Variants in PDE6D observed in about 807,000 individuals in gnomAD.
PDE6D encodes the protein phosphodiesterase 6D.
Under a neutral mutation model 21.9 loss-of-function variants are expected in PDE6D, and 10 were observed. The ratio of observed to expected loss-of-function variants is 0.46; its 90% CI spans 0.28 to 0.78. The LOEUF (loss-of-function observed/expected upper bound fraction) is 0.78, where lower values mean the gene tolerates loss of function less well. PDE6D is among the 30% of genes least tolerant of loss of function. The probability of loss-of-function intolerance (pLI) is 0.12; values close to 1 mark genes in which losing one functional copy is unlikely to be tolerated. For synonymous variants in PDE6D, 59 were observed against 63.5 expected (o/e 0.93, Z 0.34); for missense variants, 139 against 184.8 (o/e 0.75, Z 1.44).
chr2:231,737,403 G>A, intron 3 of PDE6D, 111 bp from the exon 4 acceptor site: 1 of 596,434 alleles, frequency 1.7e-6, no homozygotes, highest in Non-Finnish European at 3.0e-6. Context: ...ACCACCAAAG[G>A]AAGCTATCAG....
chr2:231,732,797 C>T lies in PDE6D; in HGVS notation c.*155G>A, dbSNP rs2048662178. On this transcript the variant is annotated 3_prime_UTR_variant, in exon 5 of 5. Transcript: ENST00000287600. ...GGAAAAAGAGCCATCTGGTTACCTA[C>T]ACAGAGCTGGTCCCCTGGTGGCTGC... is the stretch of plus-strand genomic sequence containing the variant. The T allele has an allele frequency of 1.6e-6, 1 of 630,820 alleles. No individual in the cohort carries two copies. The highest frequency in any genetic ancestry group is 2.8e-6 in the Non-Finnish European group (1 of 351,278). The allele number at this position is 630,820 out of a possible 1,614,324, so 39.1% of individuals were successfully genotyped here. A position where few individuals can be genotyped will look rare whatever the true frequency, so the allele number is the denominator to read the frequency against.
intron 1 of PDE6D, among the ~76,000 whole-genome samples, chr2:231,764,586 A>T (rs367553304): frequency 7.9e-5 from 12 of 152,230 alleles, no homozygotes; most frequent in Non-Finnish European, 1.5e-5. Flanking sequence ...CCAGGAGGCC[A>T]GCATGTGTAA....
chr2:231,757,212 A>C (rs1472983570), intron 1 of PDE6D, among the ~76,000 whole-genome samples: 1 of 152,170 alleles, frequency 6.6e-6, no homozygotes, highest in African/African-American at 2.4e-5. Context: ...TGCCTGCCTC[A>C]GCCTCCCAAC....
chr2:231,740,610 A>C (rs567961779), intron 1 of PDE6D, among the ~76,000 whole-genome samples: 1 of 150,452 alleles, frequency 6.6e-6, no homozygotes, highest in East Asian at 2.0e-4. Flanking sequence ...GAGTCCACAA[A>C]ATCAATGCTG....
At chr2:231,772,385 T>C (rs1444603278) in intron 1 of PDE6D, among the ~76,000 whole-genome samples, 3 of 152,194 alleles carry the variant, frequency 2.0e-5, no homozygotes, top group South Asian at 4.1e-4. Flanking sequence ...ATTGAAATCT[T>C]TGTGGATATT....
intron 1 of PDE6D, among the ~76,000 whole-genome samples, chr2:231,777,983 T>A (rs1400353995): frequency 6.6e-6 from 1 of 152,186 alleles, no homozygotes. Flanking sequence ...TTAATAAATT[T>A]GAGGCCAGGC....
At chr2:231,773,741 C>T (rs1017711950) in intron 1 of PDE6D, among the ~76,000 whole-genome samples, 2 of 151,990 alleles carry the variant, frequency 1.3e-5, no homozygotes, top group Admixed American at 1.3e-4. Flanking sequence ...GCTAACCTGC[C>T]ATAAATTAGA....
intron 1 of PDE6D, among the ~76,000 whole-genome samples, chr2:231,749,694 A>C (rs1169562191): frequency 5.9e-5 from 9 of 151,768 alleles, no homozygotes; most frequent in Admixed American, 5.9e-4. Context: ...ACCATGCCCG[A>C]CTAGTTTTTT....
At chr2:231,750,083 C>T (rs541163818) in intron 1 of PDE6D, among the ~76,000 whole-genome samples, 3 of 152,232 alleles carry the variant, frequency 2.0e-5, no homozygotes, top group Admixed American at 1.3e-4. Context: ...TGGTCATTCT[C>T]GTGCTATTCT....
intron 4 of PDE6D, among the ~76,000 whole-genome samples, chr2:231,733,355 T>C (rs838424): frequency 0.26 from 39,624 of 152,148 alleles, 5,349 homozygotes; most frequent in Non-Finnish European, 0.31. Context: ...TTTCTGATAC[T>C]GCATTCATGG....
chr2:231,753,590 CAAAT>C (rs200318897), intron 1 of PDE6D, among the ~76,000 whole-genome samples: 1,983 of 150,998 alleles, frequency 0.013, 29 homozygotes, highest in Non-Finnish European at 0.018. Context: ...AATAAACAAA[CAAAT>C]AAAAATAAAT....
intron 1 of PDE6D, among the ~76,000 whole-genome samples, chr2:231,765,787 T>C (rs2048966588): frequency 6.6e-6 from 1 of 152,208 alleles, no homozygotes; most frequent in Non-Finnish European, 1.5e-5. Context: ...TTCATAGTTT[T>C]TGGTTGTGGC....
chr2:231,772,333 C>T (rs1481031455), intron 1 of PDE6D, among the ~76,000 whole-genome samples: 1 of 152,154 alleles, frequency 6.6e-6, no homozygotes, highest in Non-Finnish European at 1.5e-5. Context: ...ACGGTGAGAC[C>T]ATCGCCTTCT....
At chr2:231,747,922 G>A (rs910148196) in intron 1 of PDE6D, among the ~76,000 whole-genome samples, 2 of 152,120 alleles carry the variant, frequency 1.3e-5, no homozygotes, top group Non-Finnish European at 2.9e-5. Context: ...TCTTGCCGCC[G>A]CCATGTAAGA....
chr2:231,737,664 C>T (rs1459884020), intron 3 of PDE6D: 3 of 297,568 alleles, frequency 1.0e-5, no homozygotes, highest in Non-Finnish European at 1.9e-5. Context: ...GAATTCAATG[C>T]AGAGTGGCCT....
intron 1 of PDE6D, among the ~76,000 whole-genome samples, chr2:231,741,447 A>G (rs1362147126): frequency 6.6e-6 from 1 of 152,168 alleles, no homozygotes; most frequent in Non-Finnish European, 1.5e-5. Context: ...ATGACATGGG[A>G]TATAGCAAGC....
At chr2:231,754,663 C>T (rs1392173848) in intron 1 of PDE6D, among the ~76,000 whole-genome samples, 6 of 149,568 alleles carry the variant, frequency 4.0e-5, no homozygotes, top group Non-Finnish European at 5.9e-5. Flanking sequence ...TGAGCCACCA[C>T]GCCCAGCCTT....
intron 1 of PDE6D, among the ~76,000 whole-genome samples, chr2:231,755,575 A>C (rs1157314346): frequency 6.6e-6 from 1 of 152,070 alleles, no homozygotes; most frequent in Non-Finnish European, 1.5e-5. Flanking sequence ...AAAATACAAA[A>C]GTTAGCCAGG....
intron 4 of PDE6D, among the ~76,000 whole-genome samples, chr2:231,734,232 T>A (rs535780206): frequency 1.3e-4 from 19 of 151,190 alleles, no homozygotes; most frequent in East Asian, 9.7e-4. Context: ...TAAAAAAAAA[T>A]AAAAAATAAA....
Sources: gnomAD v4.1 joint callset for allele counts (sites outside exome capture counted in the v4.1 genomes callset) on GRCh38, gnomAD v4.1.1 for gene constraint, MANE v1.5 for transcripts, NCBI Gene and HGNC (gene_info 2026-07-23, HGNC 2026-07-21) for gene names.